Variants in TOP2B observed in about 807,000 individuals in gnomAD.
The protein encoded by TOP2B is DNA topoisomerase II beta.
Under a neutral mutation model 193.5 loss-of-function variants are expected in TOP2B, and 51 were observed. That is an observed-to-expected ratio of 0.26 (90% CI 0.21 to 0.33). The LOEUF (loss-of-function observed/expected upper bound fraction) is 0.33. TOP2B is among the 10% of genes least tolerant of loss of function. TOP2B has a pLI of 1.00. For missense variants in TOP2B, 1,378 were observed against 1,909.3 expected, an observed-to-expected ratio of 0.72 and a Z score of 5.19; for synonymous variants, 634 against 635.7, an observed-to-expected ratio of 1.00 and a Z score of 0.04.
chr3:25,609,740 C>A, intron 28 of TOP2B, 28 bp from the exon 29 acceptor site: 2 of 1,411,476 alleles, frequency 1.4e-6, no homozygotes, highest in Non-Finnish European at 1.8e-6. Context: ...AATCAAGCCA[C>A]GAGTAAAAAT....
chr3:25,629,780 C>A (rs1248456880), intron 13 of TOP2B, among the ~76,000 whole-genome samples: 1 of 152,074 alleles, frequency 6.6e-6, no homozygotes, highest in Non-Finnish European at 1.5e-5. Context: ...TAATTTTGTT[C>A]CTACTTGTAG....
At chr3:25,657,680 T>C (rs1279694078) in intron 1 of TOP2B, among the ~76,000 whole-genome samples, 1 of 152,250 alleles carries the variant, frequency 6.6e-6, no homozygotes, top group African/African-American at 2.4e-5. Flanking sequence ...TTTATTCTTA[T>C]ATGTTCACAG....
rs111418967 is a variant in TOP2B at position 25,630,257 on chromosome 3, G to C, written c.1563+55C>G. The C allele has an allele frequency of 2.0e-6, 3 of 1,526,666 alleles. No homozygotes were observed. In the Admixed American group the frequency reaches 6.4e-5, roughly 33 times the overall value. The allele number at this position is 1,526,666 out of a possible 1,614,324, so 94.6% of individuals were successfully genotyped here. On this transcript the variant is annotated intron_variant, in intron 12 of 35. Transcript: ENST00000264331. ...AGAAGTTTAGTAAAGTATTAGAAAT[G>C]TCATATGTATGTGTGCATGTGTGTA...
intron 6 of TOP2B, 143 bp from the exon 7 acceptor site, chr3:25,636,291 T>A: frequency 1.6e-6 from 1 of 617,096 alleles, no homozygotes; most frequent in Non-Finnish European, 2.7e-6. Flanking sequence ...CTTGATAATA[T>A]TACAGACAAA....
At chr3:25,628,367 T>C (rs1427501032) in intron 15 of TOP2B, among the ~76,000 whole-genome samples, 1 of 133,436 alleles carries the variant, frequency 7.5e-6, no homozygotes, top group African/African-American at 3.0e-5. Flanking sequence ...CCCAGCTACT[T>C]GCGGGGGCTG....
chr3:25,621,253 C>T (rs1702650980), intron 21 of TOP2B, among the ~76,000 whole-genome samples: 1 of 152,192 alleles, frequency 6.6e-6, no homozygotes, highest in South Asian at 2.1e-4. Context: ...TTCACTCTAT[C>T]CACAAGTCCT....
chr3:25,615,463 CT>C lies in TOP2B; in HGVS notation c.3474del (p.Val1159LeufsTer4). 1 of 1,563,384 alleles carries C rather than the reference CT, an allele frequency of 6.4e-7. No individual in the cohort carries two copies. Among genetic ancestry groups the C allele is most frequent in the South Asian group, 1.2e-5 (1 of 82,594 alleles). ...TCTCTCTGTTTAATCAGTTCTTCAACTTTTTCTTTAGTAAGAGACCACAGAG... is the reference window on the plus strand; with the variant it reads ...TCTCTCTGTTTAATCAGTTCTTCAACTTTTCTTTAGTAAGAGACCACAGAG... ...NMSLWSLTKE[K>X]VEELIKQRDA... On this transcript the variant is annotated frameshift_variant, in exon 26 of 36. Transcript: ENST00000264331. LOFTEE classifies it high-confidence loss of function.
intron 2 of TOP2B, 84 bp downstream of exon 2, chr3:25,645,216 G>A (rs986859246): frequency 8.0e-7 from 1 of 1,255,694 alleles, no homozygotes; most frequent in Non-Finnish European, 1.1e-6. Context: ...TCCAAAGCAA[G>A]TAATTACAAT....
Position 25,598,176 on chromosome 3 carries a change from T to TACCA in TOP2B, c.*127_*130dup. ...TGTAAGAACAAAATGTTAAAAGGCC[T>TACCA]ACCACAATAATAAAAAACCGTCAAT... On this transcript the variant is annotated 3_prime_UTR_variant, in exon 36 of 36. Coordinates refer to ENST00000264331, the MANE Select transcript of TOP2B (RefSeq NM_001330700.2). The TACCA allele has an allele frequency of 1.0e-6, 1 of 957,612 alleles. No individual in the cohort carries two copies. Among genetic ancestry groups the TACCA allele is most frequent in the Non-Finnish European group, 1.5e-6 (1 of 655,914 alleles). The allele number at this position is 957,612 out of a possible 1,614,324, so 59.3% of individuals were successfully genotyped here. A position where few individuals can be genotyped will look rare whatever the true frequency, so the allele number is the denominator to read the frequency against.
intron 28 of TOP2B, 97 bp from the exon 29 acceptor site, chr3:25,609,809 TAAATTTA>T: frequency 8.0e-7 from 1 of 1,254,522 alleles, no homozygotes. Flanking sequence ...TCAAATCAGG[TAAATTTA>T]AAAACAGTGA....
chr3:25,653,426 A>G (rs1057384512), intron 1 of TOP2B, among the ~76,000 whole-genome samples: 4 of 151,674 alleles, frequency 2.6e-5, no homozygotes, highest in Non-Finnish European at 4.4e-5. Context: ...AGAGGGTCTC[A>G]TTTTGTTGCC....
intron 34 of TOP2B, among the ~76,000 whole-genome samples, chr3:25,600,632 CTT>C (rs1702067362): frequency 6.6e-6 from 1 of 152,214 alleles, no homozygotes; most frequent in Non-Finnish European, 1.5e-5. Flanking sequence ...TCTTCAAGGG[CTT>C]TCCAGATTCT....
intron 15 of TOP2B, among the ~76,000 whole-genome samples, chr3:25,628,053 A>G (rs1702854288): frequency 6.8e-6 from 1 of 146,848 alleles, no homozygotes; most frequent in Non-Finnish European, 1.5e-5. Context: ...CTCTATCTCA[A>G]AAAAATAAAA....
At chr3:25,657,216 A>G (rs571760970) in intron 1 of TOP2B, among the ~76,000 whole-genome samples, 1 of 152,288 alleles carries the variant, frequency 6.6e-6, no homozygotes, top group Admixed American at 6.5e-5. Flanking sequence ...CCTGTTTGTC[A>G]GCAGAAAGTT....
In TOP2B at chr3:25,630,231, G is replaced by C; in HGVS notation, c.1564-77C>G. On this transcript the variant is annotated intron_variant, in intron 12 of 35. Coordinates refer to ENST00000264331, the MANE Select transcript of TOP2B (RefSeq NM_001330700.2). ...AGTCAGAAATTACATTTAAAAATTCGAGAAGTTTAGTAAAGTATTAGAAAT... is the reference window on the plus strand; with the variant it reads ...AGTCAGAAATTACATTTAAAAATTCCAGAAGTTTAGTAAAGTATTAGAAAT... 2.6e-6 allele frequency: 4 copies of C among 1,517,840 alleles called. No homozygotes were observed. The South Asian group carries it at 3.9e-5, about 15-fold the overall frequency. 94.0% of individuals were successfully genotyped at this position (1,517,840 alleles called of 1,614,324 possible).
At chr3:25,616,131 T>C (rs551627010) in intron 25 of TOP2B, among the ~76,000 whole-genome samples, 78 of 151,984 alleles carry the variant, frequency 5.1e-4, no homozygotes, top group East Asian at 1.9e-4. Context: ...AATTTAAGAG[T>C]TGGTGAGTTA....
chr3:25,615,751 TAA>T (rs1702486651), intron 25 of TOP2B, 165 bp from the exon 26 acceptor site: 2 of 544,914 alleles, frequency 3.7e-6, no homozygotes, highest in Admixed American at 4.1e-5. Context: ...TATTTCCTTA[TAA>T]AAAGTTTAAA....
chr3:25,631,009 C>A, intron 10 of TOP2B, 70 bp from the exon 11 acceptor site: 3 of 1,329,344 alleles, frequency 2.3e-6, no homozygotes, highest in Non-Finnish European at 3.0e-6. Flanking sequence ...TGTATAGGGC[C>A]TAATGCAAGA....
intron 18 of TOP2B, among the ~76,000 whole-genome samples, chr3:25,625,713 C>T (rs1702783538): frequency 6.6e-6 from 1 of 152,138 alleles, no homozygotes; most frequent in Non-Finnish European, 1.5e-5. Context: ...GTTAGACACC[C>T]TGGCTCTAGG....
Sources: gnomAD v4.1 joint callset for allele counts (sites outside exome capture counted in the v4.1 genomes callset) on GRCh38, gnomAD v4.1.1 for gene constraint, MANE v1.5 for transcripts, NCBI Gene and HGNC (gene_info 2026-07-23, HGNC 2026-07-21) for gene names.